The following ADAMTS6 variants were observed in gnomAD, a reference collection of about 807,000 sequenced individuals.
ADAMTS6 encodes A disintegrin and metalloproteinase with thrombospondin motifs 6.
ADAMTS6 carries 23 observed loss-of-function variants against 144.3 expected under a neutral mutation model. That is an observed-to-expected ratio of 0.16 (90% CI 0.11 to 0.23). The LOEUF (loss-of-function observed/expected upper bound fraction) is 0.23. Ranked by LOEUF, ADAMTS6 falls within the 10% of genes least tolerant of loss-of-function variation. The pLI is 1.00. For missense variants in ADAMTS6, 999 were observed against 1,379.6 expected, an observed-to-expected ratio of 0.72 and a Z score of 4.37; for synonymous variants, 444 against 457.5, an observed-to-expected ratio of 0.97 and a Z score of 0.38.
chr5:65,229,598 A>C (rs1235693929), intron 15 of ADAMTS6, among the ~76,000 whole-genome samples: 1 of 152,194 alleles, frequency 6.6e-6, no homozygotes. Context: ...AGTTCAATAG[A>C]TAGAAATCAT....
intron 14 of ADAMTS6, among the ~76,000 whole-genome samples, chr5:65,244,900 T>C (rs935827540): frequency 6.6e-6 from 1 of 152,180 alleles, no homozygotes; most frequent in Admixed American, 6.6e-5. Flanking sequence ...ATTAACCAGA[T>C]GCAACTTTCT....
At position 65,232,032 on chromosome 5, in the gene ADAMTS6, C is replaced by T. The variant is rs146918221; in HGVS notation, c.1934-5813G>A. On this transcript the variant is annotated intron_variant, in intron 15 of 24. Coordinates refer to ENST00000381055, the MANE Select transcript of ADAMTS6 (RefSeq NM_197941.4). ...AGGCTGAGGCAGGAGAATCACTTGACCCTGGGAAGTGGAGGTTGCAGTCAG... is the reference window on the plus strand; with the variant it reads ...AGGCTGAGGCAGGAGAATCACTTGATCCTGGGAAGTGGAGGTTGCAGTCAG... Among the ~76,000 whole-genome samples the T allele has an allele frequency of 3.3e-3, 508 of 152,078 alleles. 3 individuals carry two copies. The highest frequency in any genetic ancestry group is 0.012 in the African/African-American group (486 of 41,514).
intron 2 of ADAMTS6, 33 bp downstream of exon 2, chr5:65,473,544 A>AT: frequency 6.6e-7 from 1 of 1,521,268 alleles, no homozygotes. Flanking sequence ...TAATAGCAAT[A>AT]TTTTTTGTCA....
rs1295185254 is a variant in ADAMTS6, at chr5:65,169,891, A to G, written c.3244+726T>C. On this transcript the variant is annotated intron_variant, in intron 24 of 24. Coordinates refer to ENST00000381055, the MANE Select transcript of ADAMTS6 (RefSeq NM_197941.4). ...TCACACTCTGGGGACTGTGGTGGGG[A>G]GGGGGGAGGGGGGAGGGATAGCATT... 2.5e-3 allele frequency among the ~76,000 whole-genome samples: 208 copies of G among 82,160 alleles called. 1 individual carries two copies. Among genetic ancestry groups the G allele is most frequent in the African/African-American group, 8.8e-3 (200 of 22,842 alleles). The allele number at this position is 82,160 out of a possible 152,430, so 53.9% of individuals were successfully genotyped here.
chr5:65,244,865 T>C (rs961967892), intron 14 of ADAMTS6, among the ~76,000 whole-genome samples: 2 of 152,146 alleles, frequency 1.3e-5, no homozygotes, highest in African/African-American at 2.4e-5. Context: ...ATAGGAACAA[T>C]TTGGGTTCTA....
chr5:65,245,112 G>A (rs1347248968), intron 14 of ADAMTS6, among the ~76,000 whole-genome samples: 1 of 152,080 alleles, frequency 6.6e-6, no homozygotes, highest in Non-Finnish European at 1.5e-5. Context: ...CACACAAACT[G>A]TTTAGCTCTG....
intron 9 of ADAMTS6, among the ~76,000 whole-genome samples, chr5:65,304,347 C>G (rs376950843): frequency 6.6e-6 from 1 of 152,136 alleles, no homozygotes; most frequent in African/African-American, 2.4e-5. Context: ...AAATACATTT[C>G]TTTTTTGGCA....
intron 8 of ADAMTS6, among the ~76,000 whole-genome samples, chr5:65,331,440 C>T (rs1746706457): frequency 6.6e-6 from 1 of 152,154 alleles, no homozygotes; most frequent in South Asian, 2.1e-4. Flanking sequence ...GCTAGAACAA[C>T]AACTTCAGAA....
intron 24 of ADAMTS6, among the ~76,000 whole-genome samples, chr5:65,169,287 G>A (rs1380549501): frequency 9.8e-6 from 1 of 101,814 alleles, no homozygotes; most frequent in Non-Finnish European, 2.0e-5. Flanking sequence ...ATGAAAAAAT[G>A]CTCATCATCA....
intron 7 of ADAMTS6, among the ~76,000 whole-genome samples, chr5:65,402,791 G>T (rs1754044072): frequency 6.6e-6 from 1 of 151,688 alleles, no homozygotes; most frequent in Non-Finnish European, 1.5e-5. Flanking sequence ...ATCAATTTTG[G>T]TCTAGCTTTA....
At chr5:65,452,654 T>A in intron 5 of ADAMTS6, 53 bp downstream of exon 5, 1 of 1,584,780 alleles carries the variant, frequency 6.3e-7, no homozygotes, top group South Asian at 1.1e-5. Flanking sequence ...ATGACCTTAG[T>A]CAAAAACACA....
At chr5:65,280,673 T>A (rs1762920770) in intron 11 of ADAMTS6, among the ~76,000 whole-genome samples, 1 of 152,226 alleles carries the variant, frequency 6.6e-6, no homozygotes, top group East Asian at 1.9e-4. Context: ...ATGTTGTAGC[T>A]AAATGAACTA....
At chr5:65,242,267 A>T in intron 14 of ADAMTS6, 61 bp from the exon 15 acceptor site, 2 of 1,269,008 alleles carry the variant, frequency 1.6e-6, no homozygotes, top group Non-Finnish European at 2.2e-6. Context: ...GCAAGGGACA[A>T]TGTCCCTAAA....
intron 16 of ADAMTS6, among the ~76,000 whole-genome samples, chr5:65,225,334 T>C (rs151026569): frequency 1.3e-5 from 2 of 152,212 alleles, no homozygotes; most frequent in South Asian, 2.1e-4. Flanking sequence ...TGCAGACAAG[T>C]AGCCAGAAGG....
chr5:65,417,173 C>T (rs928270844), intron 7 of ADAMTS6, among the ~76,000 whole-genome samples: 1 of 152,018 alleles, frequency 6.6e-6, no homozygotes, highest in Non-Finnish European at 1.5e-5. Context: ...CTATAAAATC[C>T]AACATCCCTT....
chr5:65,175,948 T>C (rs973524460), intron 22 of ADAMTS6, among the ~76,000 whole-genome samples: 2 of 151,938 alleles, frequency 1.3e-5, no homozygotes, highest in Admixed American at 1.3e-4. Context: ...CAAAGGATAA[T>C]TGAAATCCCA....
Position 65,334,089 on chromosome 5 carries a change from T to C in ADAMTS6, c.1074-4A>G, listed in dbSNP as rs770552308. The C allele has an allele frequency of 2.7e-6, 4 of 1,505,432 alleles. No homozygotes were observed. The South Asian group carries it at 4.2e-5, about 16-fold the overall frequency. 93.3% of individuals were successfully genotyped at this position (1,505,432 alleles called of 1,614,324 possible). A position where few individuals can be genotyped will look rare whatever the true frequency, so the allele number is the denominator to read the frequency against. ...TTTATAAGTGCAGATATCATATCTA[T>C]GGAGAAAACAGAGATGAAATTTGTA... On this transcript the variant is annotated splice_polypyrimidine_tract_variant and splice_region_variant and intron_variant, in intron 7 of 24. Transcript: ENST00000381055.
At chr5:65,178,262 G>A (rs144803735) in intron 22 of ADAMTS6, among the ~76,000 whole-genome samples, 5 of 152,198 alleles carry the variant, frequency 3.3e-5, no homozygotes, top group African/African-American at 7.2e-5. Flanking sequence ...ATAAGACATC[G>A]TGCGAGAAAG....
chr5:65,216,004 A>C (rs902949709), intron 18 of ADAMTS6, among the ~76,000 whole-genome samples: 4 of 152,216 alleles, frequency 2.6e-5, no homozygotes, highest in Non-Finnish European at 5.9e-5. Context: ...GCTAAGGCAA[A>C]AGACTATTCT....
Sources: allele counts gnomAD v4.1 joint callset (sites outside exome capture counted in the v4.1 genomes callset), GRCh38; gene constraint gnomAD v4.1.1; transcripts MANE v1.5; gene names NCBI Gene and HGNC (gene_info 2026-07-23, HGNC 2026-07-21).